CTBP2: variants seen among roughly 807,000 people sequenced by gnomAD.
CTBP2 encodes C-terminal-binding protein 2.
In CTBP2, 30 loss-of-function variants were observed where a neutral mutation model predicts 80.3. The observed-to-expected ratio is 0.37, with a 90% CI of 0.28 to 0.51. The LOEUF (loss-of-function observed/expected upper bound fraction) is 0.51. Ranked by LOEUF, CTBP2 falls within the 20% of genes least tolerant of loss-of-function variation. The probability of loss-of-function intolerance (pLI) is 0.93; values close to 1 mark genes in which losing one functional copy is unlikely to be tolerated. For synonymous variants in CTBP2, 594 were observed against 587.4 expected, an observed-to-expected ratio of 1.01 and a Z score of -0.16; for missense variants, 1,212 against 1,375.3, an observed-to-expected ratio of 0.88 and a Z score of 1.88.
At chr10:125,074,705 A>ATGTATTCAG (rs1846029703) in intron 2 of CTBP2, among the ~76,000 whole-genome samples, 1 of 152,222 alleles carries the variant, frequency 6.6e-6, no homozygotes, top group Non-Finnish European at 1.5e-5. Context: ...AGTGCACAGC[A>ATGTATTCAG]TGTATTCAGT....
chr10:125,114,372 A>T (rs1373897628), intron 1 of CTBP2, among the ~76,000 whole-genome samples: 1 of 151,956 alleles, frequency 6.6e-6, no homozygotes, highest in Non-Finnish European at 1.5e-5. Flanking sequence ...GGGGGTGTGT[A>T]CTCTCACACA....
chr10:125,108,203 G>A (rs79951124), intron 2 of CTBP2, among the ~76,000 whole-genome samples: 2,893 of 152,254 alleles, frequency 0.019, 92 homozygotes, highest in African/African-American at 0.065. Flanking sequence ...CTGAGAGAAC[G>A]AGCCTCTTGT....
At chr10:125,029,267 G>A (rs562589113), upstream of CTBP2, among the ~76,000 whole-genome samples, 217 of 125,426 alleles carry the variant, frequency 1.7e-3, 1 homozygote, top group African/African-American at 5.8e-3. Context: ...TTTTGAGACC[G>A]AGTTTTGCTC....
rs1451982454 is a variant in CTBP2 at position 124,987,655 on chromosome 10, T to TTAA, written c.*1860_*1862dup. 6.6e-6 allele frequency: 1 copy of TTAA among 152,138 alleles called. No homozygotes were observed. The highest frequency in any genetic ancestry group is 2.4e-5 in the African/African-American group (1 of 41,426). 9.4% of individuals were successfully genotyped at this position (152,138 alleles called of 1,614,324 possible). A position where few individuals can be genotyped will look rare whatever the true frequency, so the allele number is the denominator to read the frequency against. On this transcript the variant is annotated 3_prime_UTR_variant, in exon 9 of 9. Coordinates refer to ENST00000309035, the MANE Select transcript of CTBP2 (RefSeq NM_022802.3). ...CCGTCTCTCTCCATGTGAGCTTGTG[T>TTAA]TAATAGACACTTTTATGGTAGAGTT...
At chr10:125,098,774 G>GAGAGAGAGAGAGAGAGAC in intron 2 of CTBP2, among the ~76,000 whole-genome samples, 1 of 142,170 alleles carries the variant, frequency 7.0e-6, no homozygotes, top group African/African-American at 2.7e-5. Flanking sequence ...GAGAGAGAGA[G>GAGAGAGAGAGAGAGAGAC]AGAGACAGAG....
chr10:125,139,282 T>C (rs971632352), intron 1 of CTBP2, among the ~76,000 whole-genome samples: 2 of 149,364 alleles, frequency 1.3e-5, no homozygotes, highest in South Asian at 2.1e-4. Context: ...GAGGCATGAA[T>C]TGCTTCAAAC....
At chr10:125,017,573 C>A (rs1956620093) in intron 1 of CTBP2, among the ~76,000 whole-genome samples, 2 of 152,164 alleles carry the variant, frequency 1.3e-5, no homozygotes, top group Non-Finnish European at 2.9e-5. Flanking sequence ...ACAGCTGTTC[C>A]CAACAGCCAG....
chr10:125,159,302 G>A (rs1344262834), intron 1 of CTBP2, among the ~76,000 whole-genome samples: 1 of 149,562 alleles, frequency 6.7e-6, no homozygotes, highest in African/African-American at 2.4e-5. Context: ...AGTGCGGCCC[G>A]GGCGGGGAAG....
At chr10:125,008,265 T>A (rs1011627094) in intron 1 of CTBP2, among the ~76,000 whole-genome samples, 1 of 152,212 alleles carries the variant, frequency 6.6e-6, no homozygotes, top group South Asian at 2.1e-4. Flanking sequence ...CCTCTTTTTT[T>A]AAAACGCACT....
chr10:125,123,601 G>A (rs1343376247), intron 1 of CTBP2, among the ~76,000 whole-genome samples: 4 of 152,202 alleles, frequency 2.6e-5, no homozygotes, highest in Admixed American at 6.5e-5. Context: ...GGGGATCAGC[G>A]CTTACAAGGA....
upstream of CTBP2, among the ~76,000 whole-genome samples, chr10:125,161,516 C>T (rs1484317982): frequency 1.3e-5 from 2 of 151,996 alleles, no homozygotes; most frequent in East Asian, 3.9e-4. Flanking sequence ...TGGTGCCCCG[C>T]ACCGGCCGCT....
At position 124,994,510 on chromosome 10, in the gene CTBP2, C is replaced by T; in HGVS notation, c.2359G>A (p.Glu787Lys). Residue 787 changes from glutamate to lysine, a missense_variant, in exon 5 of 9, where the codon GAA becomes AAA. Glu to Lys is a moderately conservative substitution (Grantham distance 56, BLOSUM62 1). This residue lies in a region of CTBP2 where 335 missense variants were observed against 504.7 expected (regional missense o/e 0.66). Coordinates refer to ENST00000309035, the MANE Select transcript of CTBP2 (RefSeq NM_022802.3). ...TCATTGATGAGGTGGTGGTTATGTT[C>T]GTTGAGATTGCAGTGCAAGGAGACG... 1 of 1,613,980 alleles carries T rather than the reference C, an allele frequency of 6.2e-7. No homozygotes were observed. Among genetic ancestry groups the T allele is most frequent in the South Asian group, 1.1e-5 (1 of 91,068 alleles).
chr10:125,004,247 T>C (rs1330542757), intron 1 of CTBP2, among the ~76,000 whole-genome samples: 2 of 152,160 alleles, frequency 1.3e-5, no homozygotes, highest in African/African-American at 4.8e-5. Flanking sequence ...CGGCTGCATC[T>C]AGACGTTCAG....
chr10:125,029,735 T>G (rs948352532), upstream of CTBP2, among the ~76,000 whole-genome samples: 1 of 145,844 alleles, frequency 6.9e-6, no homozygotes, highest in African/African-American at 2.5e-5. Context: ...CAAGTCTTTT[T>G]TGTAGCAGGG....
chr10:125,048,711 GA>G (rs1254666854), intron 2 of CTBP2, among the ~76,000 whole-genome samples: 2 of 152,168 alleles, frequency 1.3e-5, no homozygotes, highest in Non-Finnish European at 2.9e-5. Context: ...AGTTAGTGTT[GA>G]AAATTGGAAA....
At chr10:125,098,229 T>G (rs1304268547) in intron 2 of CTBP2, among the ~76,000 whole-genome samples, 1 of 152,130 alleles carries the variant, frequency 6.6e-6, no homozygotes, top group Non-Finnish European at 1.5e-5. Flanking sequence ...TGCCAAGCAC[T>G]GAGACGGTCC....
chr10:125,136,775 G>A (rs965587153), intron 1 of CTBP2, among the ~76,000 whole-genome samples: 9 of 152,190 alleles, frequency 5.9e-5, no homozygotes, highest in Non-Finnish European at 1.3e-4. Flanking sequence ...ACAAGACACC[G>A]TCCAAACGCT....
intron 1 of CTBP2, among the ~76,000 whole-genome samples, chr10:125,023,444 T>C (rs1435188401): frequency 6.6e-6 from 1 of 152,170 alleles, no homozygotes; most frequent in Non-Finnish European, 1.5e-5. Context: ...CAGGCAGGGC[T>C]CGGGTGACAG....
At chr10:125,162,432 T>C (rs1049233344), upstream of CTBP2, 1 of 152,300 alleles carries the variant, frequency 6.6e-6, no homozygotes, top group African/African-American at 2.4e-5. Context: ...AAACATTTCT[T>C]AAATCCTGCC....
Sources: allele counts gnomAD v4.1 joint callset (sites outside exome capture counted in the v4.1 genomes callset), GRCh38; gene constraint gnomAD v4.1.1; regional missense constraint gnomAD v4.1.1; transcripts MANE v1.5; gene names NCBI Gene and HGNC (gene_info 2026-07-23, HGNC 2026-07-21).